Variants in TFG observed in about 807,000 individuals in gnomAD.
TFG encodes the protein trafficking from ER to golgi regulator.
In TFG, 22 loss-of-function variants were observed where a neutral mutation model predicts 51.4. That is an observed-to-expected ratio of 0.43 (90% CI 0.31 to 0.61). TFG has a LOEUF of 0.61. Ranked by LOEUF, TFG falls within the 20% of genes least tolerant of loss-of-function variation. The pLI, the probability that TFG is intolerant of heterozygous loss-of-function variation, is 0.12. For missense variants in TFG, 419 were observed against 487.7 expected, an observed-to-expected ratio of 0.86 and a Z score of 1.33; for synonymous variants, 187 against 165.6, an observed-to-expected ratio of 1.13 and a Z score of -0.99.
At chr3:100,716,219 C>G (rs1049282624) in intron 2 of TFG, among the ~76,000 whole-genome samples, 2 of 152,056 alleles carry the variant, frequency 1.3e-5, no homozygotes, top group African/African-American at 4.8e-5. Context: ...CCCTCTTTTC[C>G]CCTACCCTTT....
At chr3:100,716,575 T>C (rs1915309) in intron 2 of TFG, among the ~76,000 whole-genome samples, 97,653 of 152,014 alleles carry the variant, frequency 0.64, 31,721 homozygotes, top group South Asian at 0.83. Context: ...ATCGCTGAAT[T>C]GTGTGTTAGT....
intron 6 of TFG, among the ~76,000 whole-genome samples, chr3:100,737,720 T>C (rs1483616757): frequency 2.0e-5 from 3 of 152,154 alleles, no homozygotes; most frequent in Non-Finnish European, 4.4e-5. Context: ...CTGACCACTT[T>C]TGGAATAGAA....
chr3:100,711,352 C>T (rs940673340), intron 1 of TFG, among the ~76,000 whole-genome samples: 14 of 152,168 alleles, frequency 9.2e-5, no homozygotes, highest in African/African-American at 3.4e-4. Flanking sequence ...CTGCCCGCCT[C>T]GGCCTCCCAA....
At chr3:100,710,432 T>C (rs1322316049) in intron 1 of TFG, 3 of 152,254 alleles carry the variant, frequency 2.0e-5, no homozygotes, top group African/African-American at 7.2e-5. Context: ...GTGAGAATCT[T>C]TACCGTCTTG....
At chr3:100,738,950 AC>A (rs2095114097) in intron 6 of TFG, among the ~76,000 whole-genome samples, 1 of 152,196 alleles carries the variant, frequency 6.6e-6, no homozygotes, top group African/African-American at 2.4e-5. Context: ...CTGGGATTTG[AC>A]ACTGATTTGG....
chr3:100,745,841 T>C (rs1402576448), intron 7 of TFG, among the ~76,000 whole-genome samples: 2 of 152,182 alleles, frequency 1.3e-5, no homozygotes, highest in South Asian at 2.1e-4. Flanking sequence ...TACTTTTATA[T>C]TCTCTACTGC....
intron 4 of TFG, among the ~76,000 whole-genome samples, chr3:100,729,846 T>A (rs2095086624): frequency 6.6e-6 from 1 of 152,150 alleles, no homozygotes; most frequent in Non-Finnish European, 1.5e-5. Flanking sequence ...TCTCTTCCTG[T>A]CTTCTAATAG....
At chr3:100,730,907 G>A (rs1304910871) in intron 4 of TFG, among the ~76,000 whole-genome samples, 3 of 152,182 alleles carry the variant, frequency 2.0e-5, no homozygotes, top group South Asian at 2.1e-4. Flanking sequence ...TAAGACTGAC[G>A]TGGTATGCTC....
At chr3:100,723,346 TGTTCA>T (rs947228617) in intron 3 of TFG, among the ~76,000 whole-genome samples, 8 of 152,116 alleles carry the variant, frequency 5.3e-5, no homozygotes, top group African/African-American at 1.4e-4. Flanking sequence ...CAAGGGTACC[TGTTCA>T]GTTCAGTAGA....
chr3:100,733,793 T>C (rs1398714999), intron 5 of TFG, among the ~76,000 whole-genome samples: 1 of 152,148 alleles, frequency 6.6e-6, no homozygotes, highest in Non-Finnish European at 1.5e-5. Flanking sequence ...GGACTTAACA[T>C]AAATAACAAA....
At chr3:100,737,524 T>G (rs1189207731) in intron 6 of TFG, among the ~76,000 whole-genome samples, 1 of 152,236 alleles carries the variant, frequency 6.6e-6, no homozygotes, top group Non-Finnish European at 1.5e-5. Context: ...TGAAGTGTGA[T>G]TTTTGTATTG....
chr3:100,744,365 C>G (rs191152647), intron 6 of TFG: 1 of 152,380 alleles, frequency 6.6e-6, no homozygotes, highest in Admixed American at 6.5e-5. Flanking sequence ...CATATAGTTC[C>G]TTGCTACCAA....
rs751393611 is a variant in TFG, at chr3:100,748,210, A to G, written c.882A>G (p.Gln294=). Residue 294 remains glutamine (Q), a synonymous_variant, in exon 8 of 8, where the codon CAA becomes CAG. Coordinates refer to ENST00000240851, the MANE Select transcript of TFG (RefSeq NM_006070.6). ...AGCAGTTCCAGGGATATGGCCAGCAACCAACTTCCCAGGCACCAGCTCCTG... is the reference window on the plus strand; with the variant it reads ...AGCAGTTCCAGGGATATGGCCAGCAGCCAACTTCCCAGGCACCAGCTCCTG... ...QPQQFQGYGQ[Q]PTSQAPAPAF... is the part of the protein sequence containing the mutation. 6.2e-7 allele frequency: 1 copy of G among 1,614,142 alleles called. No homozygotes were observed. Among genetic ancestry groups the G allele is most frequent in the Non-Finnish European group, 8.5e-7 (1 of 1,179,980 alleles).
chr3:100,748,189 G>T lies in TFG; in HGVS notation c.861G>T (p.Gln287His), dbSNP rs776764490. 2.5e-6 allele frequency: 4 copies of T among 1,614,044 alleles called. No individual in the cohort carries two copies. The highest frequency in any genetic ancestry group is 1.1e-5 in the South Asian group (1 of 91,084). Residue 287 changes from glutamine (Q) to histidine (H), a missense_variant, in exon 8 of 8, where the codon CAG (glutamine) becomes CAT (histidine). Physicochemically the swap from Gln to His is conservative, Grantham distance 24. Coordinates refer to ENST00000240851, the MANE Select transcript of TFG (RefSeq NM_006070.6). ...SQQTGPQQPQQFQGYGQQPTS... is the reference protein window; with the variant it reads ...SQQTGPQQPQHFQGYGQQPTS... ...AGACTGGACCTCAACAACCTCAGCAGTTCCAGGGATATGGCCAGCAACCAA... is the reference window on the plus strand; with the variant it reads ...AGACTGGACCTCAACAACCTCAGCATTTCCAGGGATATGGCCAGCAACCAA...
intron 3 of TFG, among the ~76,000 whole-genome samples, chr3:100,727,859 A>G (rs2095080262): frequency 6.6e-6 from 1 of 152,102 alleles, no homozygotes; most frequent in South Asian, 2.1e-4. Flanking sequence ...TTTTGAGACA[A>G]GGTCTCCCTC....
intron 3 of TFG, among the ~76,000 whole-genome samples, chr3:100,725,300 C>T (rs941359783): frequency 2.6e-5 from 4 of 151,934 alleles, no homozygotes; most frequent in African/African-American, 9.7e-5. Flanking sequence ...AACTAAAATA[C>T]CTATTATAAT....
At chr3:100,728,681 A>G (rs1382089152) in intron 3 of TFG, 31 bp from the exon 4 acceptor site, 2 of 1,550,350 alleles carry the variant, frequency 1.3e-6, no homozygotes, top group Middle Eastern at 1.7e-4. Flanking sequence ...ATGAACTTCT[A>G]ATTTTAAGCA....
At chr3:100,715,893 T>C (rs1331077621) in intron 2 of TFG, among the ~76,000 whole-genome samples, 1 of 151,626 alleles carries the variant, frequency 6.6e-6, no homozygotes, top group East Asian at 1.9e-4. Context: ...TTTTTAACTT[T>C]TTTTTTTTTT....
intron 3 of TFG, among the ~76,000 whole-genome samples, chr3:100,720,399 C>T (rs1420725987): frequency 6.6e-6 from 1 of 152,142 alleles, no homozygotes; most frequent in Non-Finnish European, 1.5e-5. Flanking sequence ...TATGTTGTTA[C>T]TTATTATCAG....
Sources: allele counts gnomAD v4.1 joint callset (sites outside exome capture counted in the v4.1 genomes callset), GRCh38; gene constraint gnomAD v4.1.1; transcripts MANE v1.5; gene names NCBI Gene and HGNC (gene_info 2026-07-23, HGNC 2026-07-21).